PHF21B: variants seen among roughly 807,000 people sequenced by gnomAD.
PHF21B encodes PHD finger protein 21B, also known as PHD finger protein 4.
PHF21B carries 22 observed loss-of-function variants against 62.2 expected under a neutral mutation model. The ratio of observed to expected loss-of-function variants is 0.35; its 90% CI spans 0.25 to 0.51. The LOEUF (loss-of-function observed/expected upper bound fraction) is 0.51. Ranked by LOEUF, PHF21B falls within the 20% of genes least tolerant of loss-of-function variation. PHF21B has a pLI of 0.97. For synonymous variants in PHF21B, 341 were observed against 314.7 expected (o/e 1.08, Z -0.88); for missense variants, 701 against 707.9 (o/e 0.99, Z 0.11).
intron 2 of PHF21B, among the ~76,000 whole-genome samples, chr22:44,955,931 G>C (rs763870023): frequency 3.1e-4 from 47 of 152,226 alleles, no homozygotes; most frequent in Non-Finnish European, 5.4e-4. Flanking sequence ...GATGAGGAGA[G>C]TGGTGAGGCT....
chr22:44,991,383 G>A (rs1281003744), intron 2 of PHF21B, among the ~76,000 whole-genome samples: 2 of 152,144 alleles, frequency 1.3e-5, no homozygotes, highest in Non-Finnish European at 2.9e-5. Flanking sequence ...CACTGTGTGT[G>A]GTGGTTCCTT....
intron 2 of PHF21B, among the ~76,000 whole-genome samples, chr22:44,926,410 C>T (rs552427655): frequency 1.8e-4 from 27 of 152,344 alleles, no homozygotes; most frequent in Non-Finnish European, 2.5e-4. Context: ...AGAACAGGCA[C>T]GAACCTGTTT....
intron 2 of PHF21B, among the ~76,000 whole-genome samples, chr22:44,960,980 G>C (rs1014830628): frequency 1.3e-4 from 15 of 115,698 alleles, no homozygotes; most frequent in African/African-American, 4.4e-4. Context: ...TTTTTGAGAA[G>C]GAGTCTCATT....
chr22:44,892,379 T>C lies in PHF21B; in HGVS notation c.961-1019A>G, dbSNP rs186904064. On this transcript the variant is annotated intron_variant, in intron 7 of 12. Coordinates refer to ENST00000313237, the MANE Select transcript of PHF21B (RefSeq NM_138415.5). ...GCTGATGAGGCCAGAGGACGCCCCA[T>C]GGTGGGCTCTCCCCACAGACAGGGC... Among the ~76,000 whole-genome samples the C allele has an allele frequency of 7.2e-5, 11 of 152,320 alleles. No individual in the cohort carries two copies. In the East Asian group the frequency reaches 1.5e-3, roughly 21 times the overall value.
chr22:44,948,229 C>T (rs952854393), intron 2 of PHF21B, among the ~76,000 whole-genome samples: 3 of 152,150 alleles, frequency 2.0e-5, no homozygotes, highest in East Asian at 1.9e-4. Context: ...AATAATTACA[C>T]GACTCACCAT....
intron 2 of PHF21B, among the ~76,000 whole-genome samples, chr22:44,988,856 A>T (rs1045074902): frequency 3.3e-5 from 5 of 152,210 alleles, no homozygotes; most frequent in Non-Finnish European, 7.3e-5. Flanking sequence ...GAGGCTGGGA[A>T]GTCCACGTGG....
intron 2 of PHF21B, among the ~76,000 whole-genome samples, chr22:44,953,351 G>A (rs557408957): frequency 2.2e-4 from 33 of 152,258 alleles, no homozygotes; most frequent in Middle Eastern, 3.4e-3. Flanking sequence ...TGAAGCTCCC[G>A]TGAGTGCCCC....
At chr22:44,978,917 A>G (rs1056078782) in intron 2 of PHF21B, among the ~76,000 whole-genome samples, 1 of 152,234 alleles carries the variant, frequency 6.6e-6, no homozygotes. Flanking sequence ...TGGAGATCCC[A>G]GGTGAGGCAG....
chr22:44,977,931 T>A (rs2072768776), intron 2 of PHF21B, among the ~76,000 whole-genome samples: 1 of 152,150 alleles, frequency 6.6e-6, no homozygotes, highest in African/African-American at 2.4e-5. Flanking sequence ...GAAGTTTTCT[T>A]CTGCAACTTT....
chr22:44,991,873 T>C (rs1158373952), intron 2 of PHF21B, among the ~76,000 whole-genome samples: 2 of 152,370 alleles, frequency 1.3e-5, no homozygotes, highest in African/African-American at 4.8e-5. Flanking sequence ...TTGTCTTCAC[T>C]TTCTTTGGTT....
chr22:44,924,889 A>G (rs563546683), intron 2 of PHF21B, among the ~76,000 whole-genome samples: 1 of 152,318 alleles, frequency 6.6e-6, no homozygotes, highest in East Asian at 1.9e-4. Context: ...TCACAGCACA[A>G]ATGGGAAGCA....
chr22:44,977,719 C>T (rs1488363433), intron 2 of PHF21B, among the ~76,000 whole-genome samples: 6 of 151,524 alleles, frequency 4.0e-5, no homozygotes, highest in Non-Finnish European at 8.8e-5. Context: ...GCTGGGGCTA[C>T]AGGTGCATGC....
intron 2 of PHF21B, among the ~76,000 whole-genome samples, chr22:44,983,850 T>C (rs953172145): frequency 1.3e-5 from 2 of 152,094 alleles, no homozygotes; most frequent in Non-Finnish European, 2.9e-5. Context: ...TAAGCCTTTA[T>C]AGCTGATACA....
chr22:44,884,131 CCATTAT>C (rs1426728559), intron 12 of PHF21B, among the ~76,000 whole-genome samples: 3 of 75,764 alleles, frequency 4.0e-5, no homozygotes, highest in Non-Finnish European at 1.3e-4. Flanking sequence ...ATCATGATCA[CCATTAT>C]CACCACCACC....
At chr22:44,937,976 T>C (rs571699269) in intron 2 of PHF21B, among the ~76,000 whole-genome samples, 1 of 152,384 alleles carries the variant, frequency 6.6e-6, no homozygotes, top group South Asian at 2.1e-4. Flanking sequence ...TTTTGGAGTA[T>C]AAGTTACCTG....
At chr22:44,902,398 TG>T in intron 5 of PHF21B, 1 of 289,104 alleles carries the variant, frequency 3.5e-6, no homozygotes, top group Admixed American at 3.7e-5. Flanking sequence ...CCCTGATGAG[TG>T]GAGTTTATCC....
chr22:44,971,303 G>C (rs1208807515), intron 2 of PHF21B: 1 of 152,168 alleles, frequency 6.6e-6, no homozygotes, highest in African/African-American at 2.4e-5. Flanking sequence ...AGGTATCTTT[G>C]GGTTTTCTCC....
At chr22:44,903,947 G>C (rs762211993) in intron 5 of PHF21B, among the ~76,000 whole-genome samples, 22 of 152,102 alleles carry the variant, frequency 1.4e-4, no homozygotes, top group Non-Finnish European at 2.9e-4. Context: ...TATGGTTACT[G>C]AGTTATTTGG....
At chr22:44,943,462 C>T (rs374785063) in intron 2 of PHF21B, among the ~76,000 whole-genome samples, 108 of 152,278 alleles carry the variant, frequency 7.1e-4, no homozygotes, top group African/African-American at 2.6e-3. Context: ...GCATGTGGGG[C>T]TCTGGGAAAG....
Sources: gnomAD v4.1 joint callset for allele counts (sites outside exome capture counted in the v4.1 genomes callset) on GRCh38, gnomAD v4.1.1 for gene constraint, MANE v1.5 for transcripts, NCBI Gene and HGNC (gene_info 2026-07-23, HGNC 2026-07-21) for gene names.